HAO1: variants seen among roughly 807,000 people sequenced by gnomAD.
HAO1 encodes 2-Hydroxyacid oxidase 1.
In HAO1, 34 loss-of-function variants were observed where a neutral mutation model predicts 39.7. That is an observed-to-expected ratio of 0.86 (90% CI 0.65 to 1.14). HAO1 has a LOEUF of 1.14. HAO1 is among the 50% of genes most tolerant of loss of function. The probability of loss-of-function intolerance (pLI) is 0.00; values close to 1 mark genes in which losing one functional copy is unlikely to be tolerated. For synonymous variants in HAO1, 172 were observed against 173.2 expected (o/e 0.99, Z 0.05); for missense variants, 479 against 464.5 (o/e 1.03, Z -0.29).
chr20:7,885,544 A>C lies in HAO1; in HGVS notation c.1019T>G (p.Phe340Cys), dbSNP rs376137623. The C allele has an allele frequency of 6.8e-6, 11 of 1,611,688 alleles. No homozygotes were observed. Among genetic ancestry groups the C allele is most frequent in the Non-Finnish European group, 8.5e-6 (10 of 1,177,886 alleles). ...ACCACTCAGAGCCATGGCCAACCGGAATTCTTCCTTTAGTATCTCGAGGAC... is the reference window on the plus strand; with the variant it reads ...ACCACTCAGAGCCATGGCCAACCGGCATTCTTCCTTTAGTATCTCGAGGAC... Reference protein sequence around the residue: ...QDVLEILKEEFRLAMALSGCQ... With the variant: ...QDVLEILKEECRLAMALSGCQ... Residue 340 changes from phenylalanine (F) to cysteine (C), a missense_variant, in exon 7 of 8, where the codon TTC becomes TGC. Physicochemically the swap from Phe to Cys is radical, Grantham distance 205 (BLOSUM62 -2). Transcript: ENST00000378789.
chr20:7,924,754 A>C (rs1450657018), intron 2 of HAO1, among the ~76,000 whole-genome samples: 6 of 152,172 alleles, frequency 3.9e-5, no homozygotes, highest in Non-Finnish European at 7.4e-5. Context: ...AAGAGGAAAG[A>C]GGAAGCAAAA....
rs922874791 is a variant in HAO1, at chr20:7,914,558, G to T, written c.290-139C>A. ...TCAAATCTCTTAAAGAGAGAAGAAA[G>T]TCTGGCCCATACCATCTATTTCCTG... On this transcript the variant is annotated intron_variant, in intron 2 of 7. Coordinates refer to ENST00000378789, the MANE Select transcript of HAO1 (RefSeq NM_017545.3). 4 of 862,712 alleles carry T rather than the reference G, an allele frequency of 4.6e-6. No individual in the cohort carries two copies. The South Asian group carries it at 5.4e-5, about 12-fold the overall frequency. The allele number at this position is 862,712 out of a possible 1,614,324, so 53.4% of individuals were successfully genotyped here. A position where few individuals can be genotyped will look rare whatever the true frequency, so the allele number is the denominator to read the frequency against.
intron 1 of HAO1, among the ~76,000 whole-genome samples, chr20:7,936,547 TTCGCGCGCGCGCGCGC>T (rs2050412115): frequency 1.3e-4 from 18 of 136,702 alleles, no homozygotes; most frequent in South Asian, 5.0e-4. Flanking sequence ...TGTGTGTGTG[TTCGCGCGCGCGCGCGC>T]GCGTGCGTGC....
intron 4 of HAO1, among the ~76,000 whole-genome samples, chr20:7,904,080 A>T (rs1285033997): frequency 1.3e-5 from 2 of 151,944 alleles, no homozygotes; most frequent in Non-Finnish European, 2.9e-5. Context: ...AAATAAAATG[A>T]CCTCCTTCTT....
intron 2 of HAO1, among the ~76,000 whole-genome samples, chr20:7,917,248 T>C (rs1382888018): frequency 6.7e-6 from 1 of 148,506 alleles, no homozygotes; most frequent in African/African-American, 2.5e-5. Context: ...ACTGAAGCAC[T>C]AGGATTGCTT....
chr20:7,902,612 G>A (rs745788798), intron 4 of HAO1, among the ~76,000 whole-genome samples: 1 of 152,130 alleles, frequency 6.6e-6, no homozygotes, highest in Non-Finnish European at 1.5e-5. Flanking sequence ...AATCCACAAT[G>A]TCTCTTAGGT....
Position 7,923,869 on chromosome 20 carries a change from G to A in HAO1, c.290-9450C>T, listed in dbSNP as rs115583105. On this transcript the variant is annotated intron_variant, in intron 2 of 7. Transcript: ENST00000378789. ...ATGAGGTAGATATTTTCTTTCAAAA[G>A]GACTCATCCAAATTAGTAGAATATG... Among the ~76,000 whole-genome samples the A allele has an allele frequency of 7.7e-3, 1,168 of 152,204 alleles. 15 individuals are homozygous for A. The highest frequency in any genetic ancestry group is 0.027 in the African/African-American group (1,128 of 41,534).
At chr20:7,898,902 G>T (rs2050208957) in intron 4 of HAO1, among the ~76,000 whole-genome samples, 1 of 151,182 alleles carries the variant, frequency 6.6e-6, no homozygotes, top group Admixed American at 6.6e-5. Context: ...TGGTTTGCCT[G>T]GTTATCTAGT....
intron 2 of HAO1, among the ~76,000 whole-genome samples, chr20:7,925,685 A>G (rs2050355823): frequency 6.6e-6 from 1 of 152,158 alleles, no homozygotes; most frequent in African/African-American, 2.4e-5. Flanking sequence ...GTGTTTAACA[A>G]CTTCAGTGTT....
intron 4 of HAO1, among the ~76,000 whole-genome samples, chr20:7,901,692 T>A (rs941953391): frequency 1.3e-5 from 2 of 152,222 alleles, no homozygotes; most frequent in African/African-American, 4.8e-5. Context: ...GACTTTCAAG[T>A]CTTATTAGTT....
At chr20:7,895,078 A>C (rs2122756298) in intron 5 of HAO1, 55 bp downstream of exon 5, 1 of 1,057,404 alleles carries the variant, frequency 9.5e-7, no homozygotes, top group East Asian at 2.4e-5. Flanking sequence ...AGATAGTAAC[A>C]CAGTGATGGA....
At chr20:7,885,936 C>A (rs775297294) in intron 5 of HAO1, 72 bp from the exon 6 acceptor site, 233 of 1,269,536 alleles carry the variant, frequency 1.8e-4, no homozygotes, top group Non-Finnish European at 2.6e-4. Flanking sequence ...CTCCAAAAAC[C>A]ACTGACACAT....
At chr20:7,889,335 TG>T (rs1444936755) in intron 5 of HAO1, among the ~76,000 whole-genome samples, 1 of 152,140 alleles carries the variant, frequency 6.6e-6, no homozygotes, top group Non-Finnish European at 1.5e-5. Context: ...TGAGGTAGTT[TG>T]TGTCCAGATA....
chr20:7,924,526 A>G (rs1438532294), intron 2 of HAO1, among the ~76,000 whole-genome samples: 1 of 152,040 alleles, frequency 6.6e-6, no homozygotes, highest in African/African-American at 2.4e-5. Context: ...ATCCACAGCC[A>G]CCACCACCAC....
intron 2 of HAO1, among the ~76,000 whole-genome samples, chr20:7,918,933 A>G (rs1038623035): frequency 1.3e-5 from 2 of 152,224 alleles, no homozygotes; most frequent in South Asian, 4.1e-4. Context: ...CTGCTCCCAA[A>G]GCAGACACTG....
chr20:7,924,194 G>GTGTTGTTGTTGTTGC (rs2050348253), intron 2 of HAO1, among the ~76,000 whole-genome samples: 3 of 148,610 alleles, frequency 2.0e-5, no homozygotes, highest in Non-Finnish European at 4.5e-5. Flanking sequence ...AGTTTGGGTT[G>GTGTTGTTGTTGTTGC]TGTTGTTGTT....
intron 1 of HAO1, among the ~76,000 whole-genome samples, 195 bp from the exon 2 acceptor site, chr20:7,934,830 T>G (rs1007049383): frequency 2.1e-4 from 32 of 152,186 alleles, no homozygotes; most frequent in Non-Finnish European, 2.9e-5. Context: ...TAGAGGATAA[T>G]GAATTTCCCA....
At chr20:7,900,535 T>A (rs920301584) in intron 4 of HAO1, among the ~76,000 whole-genome samples, 1 of 152,166 alleles carries the variant, frequency 6.6e-6, no homozygotes, top group Non-Finnish European at 1.5e-5. Context: ...TACGGTGATC[T>A]GTGATTAGTG....
chr20:7,914,235 T>C lies in HAO1; in HGVS notation c.474A>G (p.Thr158=), dbSNP rs1166166119. Residue 158 remains threonine (T), a synonymous_variant, in exon 3 of 8, where the codon ACA becomes ACG. Transcript: ENST00000378789. ...GGTTGCCCAGGTAAGGTGTGTCCACTGTCACAAATATGGCCTTGTAGCCCA... is the reference window on the plus strand; with the variant it reads ...GGTTGCCCAGGTAAGGTGTGTCCACCGTCACAAATATGGCCTTGTAGCCCA... ...EKMGYKAIFV[T]VDTPYLGNRL... 6.2e-7 allele frequency: 1 copy of C among 1,613,972 alleles called. No individual in the cohort carries two copies. Among genetic ancestry groups the C allele is most frequent in the African/African-American group, 1.3e-5 (1 of 74,928 alleles).
Sources: allele counts gnomAD v4.1 joint callset (sites outside exome capture counted in the v4.1 genomes callset), GRCh38; gene constraint gnomAD v4.1.1; transcripts MANE v1.5; gene names NCBI Gene and HGNC (gene_info 2026-07-23, HGNC 2026-07-21).